Variants in FOXP2 observed in about 807,000 individuals in gnomAD.
The protein encoded by FOXP2 is forkhead box protein P2.
Under a neutral mutation model 115.8 loss-of-function variants are expected in FOXP2, and 12 were observed. The ratio of observed to expected loss-of-function variants is 0.10; its 90% CI spans 0.07 to 0.17. The LOEUF is 0.17. FOXP2 is among the 10% of genes least tolerant of loss of function. FOXP2 has a pLI of 1.00. For missense variants in FOXP2, 629 were observed against 843.5 expected (o/e 0.75, Z 3.15); for synonymous variants, 328 against 297.7 (o/e 1.10, Z -1.05).
chr7:114,609,821 C>A (rs565870570), intron 3 of FOXP2, among the ~76,000 whole-genome samples: 3 of 152,340 alleles, frequency 2.0e-5, no homozygotes, highest in African/African-American at 7.2e-5. Context: ...TGTCAACATT[C>A]CCATTGTCAG....
intron 3 of FOXP2, among the ~76,000 whole-genome samples, chr7:114,584,530 A>T (rs1030949075): frequency 1.3e-5 from 2 of 152,016 alleles, no homozygotes; most frequent in African/African-American, 4.8e-5. Context: ...CTTTCATTAA[A>T]TTTTTTCTTC....
chr7:114,629,483 G>C, intron 4 of FOXP2: 1 of 898,740 alleles, frequency 1.1e-6, no homozygotes, highest in South Asian at 1.6e-5. Context: ...ACAACTGGTA[G>C]AGTATAGCCT....
At chr7:114,229,425 C>T (rs1359040098) in intron 1 of FOXP2, among the ~76,000 whole-genome samples, 5 of 151,464 alleles carry the variant, frequency 3.3e-5, no homozygotes, top group African/African-American at 4.8e-5. Context: ...ACAAACATTC[C>T]ATCCAAGAGC....
chr7:114,550,218 C>T (rs952031244), intron 3 of FOXP2, among the ~76,000 whole-genome samples: 2 of 148,030 alleles, frequency 1.4e-5, no homozygotes, highest in Non-Finnish European at 1.5e-5. Context: ...CCTGGGTTGA[C>T]GCCATTCTCC....
intron 16 of FOXP2, among the ~76,000 whole-genome samples, chr7:114,671,774 G>A (rs1442420537): frequency 1.3e-5 from 2 of 152,058 alleles, no homozygotes; most frequent in Non-Finnish European, 2.9e-5. Flanking sequence ...GTGACCAGAG[G>A]CATTTAATAA....
intron 1 of FOXP2, among the ~76,000 whole-genome samples, chr7:114,106,514 G>A (rs1489450731): frequency 6.6e-6 from 1 of 151,884 alleles, no homozygotes; most frequent in African/African-American, 2.4e-5. Context: ...TGGAAGAAAG[G>A]GAAATAGCAA....
At chr7:114,264,916 T>A (rs1240373113) in intron 1 of FOXP2, among the ~76,000 whole-genome samples, 1 of 152,078 alleles carries the variant, frequency 6.6e-6, no homozygotes, top group Non-Finnish European at 1.5e-5. Flanking sequence ...AGTCACTCAC[T>A]ATGCCAGGAC....
chr7:114,497,177 A>T (rs1797359072), intron 2 of FOXP2, among the ~76,000 whole-genome samples: 1 of 152,210 alleles, frequency 6.6e-6, no homozygotes, highest in Admixed American at 6.5e-5. Context: ...ATAGTAAAAT[A>T]ATGTTGCTAG....
chr7:114,470,210 T>C (rs958378469), intron 2 of FOXP2, among the ~76,000 whole-genome samples: 1 of 152,190 alleles, frequency 6.6e-6, no homozygotes, highest in African/African-American at 2.4e-5. Context: ...ATTGCTCTCT[T>C]AGCTGCAACT....
At chr7:114,593,191 CTT>C (rs1287309842) in intron 3 of FOXP2, among the ~76,000 whole-genome samples, 1 of 151,364 alleles carries the variant, frequency 6.6e-6, no homozygotes, top group Non-Finnish European at 1.5e-5. Flanking sequence ...TTTAATGTCT[CTT>C]TTTAAAACTT....
intron 2 of FOXP2, among the ~76,000 whole-genome samples, chr7:114,517,299 T>C (rs112862557): frequency 1.2e-4 from 19 of 152,264 alleles, no homozygotes; most frequent in African/African-American, 4.3e-4. Flanking sequence ...CCATAGGTCG[T>C]CTCTTTATTG....
At chr7:114,480,161 A>G (rs969471120) in intron 2 of FOXP2, among the ~76,000 whole-genome samples, 2 of 151,448 alleles carry the variant, frequency 1.3e-5, no homozygotes, top group Non-Finnish European at 3.0e-5. Flanking sequence ...TAACCAAAAG[A>G]AGATTTTGTT....
rs184011593 is a variant in FOXP2 at position 114,383,755 on chromosome 7, T to C, written c.-10-42747T>C. On this transcript the variant is annotated intron_variant, in intron 2 of 17. Transcript: ENST00000634411. ...TGGTCCTAATTCTCCAGAATACATC[T>C]TACGGGCATTTTTGCCTTGGGGGGA... Among the ~76,000 whole-genome samples, 6 of 152,248 alleles carry C rather than the reference T, an allele frequency of 3.9e-5. No homozygotes were observed. In the East Asian group the frequency reaches 1.2e-3, roughly 29 times the overall value.
chr7:114,457,793 G>C (rs2129222860), intron 2 of FOXP2, among the ~76,000 whole-genome samples: 1 of 151,926 alleles, frequency 6.6e-6, no homozygotes. Context: ...AGCTATTGGG[G>C]AGGCTGAGGC....
chr7:114,162,064 T>C (rs1017135461), upstream of FOXP2, among the ~76,000 whole-genome samples: 2 of 152,136 alleles, frequency 1.3e-5, no homozygotes, highest in Non-Finnish European at 2.9e-5. Context: ...ATTACAGGCG[T>C]GAGTCACCAT....
chr7:114,603,027 A>T (rs1441048336), intron 3 of FOXP2, among the ~76,000 whole-genome samples: 2 of 152,184 alleles, frequency 1.3e-5, no homozygotes, highest in Admixed American at 6.6e-5. Flanking sequence ...TTCTGGTGTC[A>T]CTGTGGCGTT....
rs144511332 is a variant in FOXP2, at chr7:114,334,931, C to CTATATATATATATATATATA, written c.-11+46831_-11+46850dup. Among the ~76,000 whole-genome samples the CTATATATATATATATATATA allele has an allele frequency of 1.1e-3, 128 of 119,300 alleles. No individual in the cohort carries two copies. The East Asian group carries it at 0.014, about 13-fold the overall frequency. The allele number at this position is 119,300 out of a possible 152,430, so 78.3% of individuals were successfully genotyped here. A position where few individuals can be genotyped will look rare whatever the true frequency, so the allele number is the denominator to read the frequency against. ...ATATATATTTTATATATATAGAAAT[C>CTATATATATATATATATATA]TATATATATATATATATATATATAT... is the stretch of plus-strand genomic sequence containing the variant. On this transcript the variant is annotated intron_variant, in intron 2 of 17. Coordinates refer to the FOXP2 transcript ENST00000634411.
At chr7:114,399,305 A>T (rs1036566238) in intron 2 of FOXP2, among the ~76,000 whole-genome samples, 1 of 151,776 alleles carries the variant, frequency 6.6e-6, no homozygotes, top group Non-Finnish European at 1.5e-5. Flanking sequence ...ACAGGGTTTC[A>T]CCATGTTGGC....
intron 1 of FOXP2, among the ~76,000 whole-genome samples, chr7:114,244,979 G>A (rs953955595): frequency 1.1e-4 from 16 of 152,088 alleles, no homozygotes; most frequent in African/African-American, 3.9e-4. Context: ...AGCCAGGATG[G>A]TCTCGATCTC....
Sources: allele counts gnomAD v4.1 joint callset (sites outside exome capture counted in the v4.1 genomes callset), GRCh38; gene constraint gnomAD v4.1.1; transcripts MANE v1.5; gene names NCBI Gene and HGNC (gene_info 2026-07-23, HGNC 2026-07-21).